The following MRAP variants were observed in gnomAD, a reference collection of about 807,000 sequenced individuals.
MRAP encodes the protein melanocortin 2 receptor accessory protein, also known as melanocortin-2 receptor accessory protein.
Under a neutral mutation model 8.7 loss-of-function variants are expected in MRAP, and 8 were observed. The observed-to-expected ratio is 0.92, with a 90% confidence interval of 0.54 to 1.66. MRAP has a LOEUF of 1.66. Among genes scored for constraint, MRAP ranks in the 40% most tolerant of loss-of-function variants. MRAP has a pLI of 0.00. For synonymous variants in MRAP, 95 were observed against 95.5 expected (o/e 1.00, Z 0.03); for missense variants, 237 against 217.1 (o/e 1.09, Z -0.58).
chr21:32,306,068 G>C (rs1254457974), intron 1 of MRAP, among the ~76,000 whole-genome samples: 1 of 152,090 alleles, frequency 6.6e-6, no homozygotes, highest in African/African-American at 2.4e-5. Context: ...AGAGGGACTC[G>C]CTATTTCCAC....
chr21:32,295,977 A>AAAAAC (rs201808516), upstream of MRAP, among the ~76,000 whole-genome samples: 8 of 152,130 alleles, frequency 5.3e-5, no homozygotes, highest in Admixed American at 3.3e-4. Context: ...CTCCATCTCA[A>AAAAAC]AAAACAAAAC....
chr21:32,299,039 T>C lies in MRAP; in HGVS notation c.68T>C (p.Leu23Pro), dbSNP rs1277270972. 1.2e-6 allele frequency: 2 copies of C among 1,614,132 alleles called. No individual in the cohort carries two copies. Among genetic ancestry groups the C allele is most frequent in the Middle Eastern group, 1.7e-4 (1 of 6,060 alleles). Residue 23 changes from leucine (L) to proline (P), a missense_variant, in exon 1 of 3, where the codon CTC (leucine) becomes CCC (proline). Transcript: ENST00000303645. ...SYEYYLDYLDLIPVDEKKLKA... is the reference protein window; with the variant it reads ...SYEYYLDYLDPIPVDEKKLKA... ...GAATACTACCTGGACTATCTGGACCTCATTCCCGTGGACGAGAAGAAGCTG... is the reference window on the plus strand; with the variant it reads ...GAATACTACCTGGACTATCTGGACCCCATTCCCGTGGACGAGAAGAAGCTG...
At chr21:32,302,322 G>T (rs2032313601) in intron 1 of MRAP, among the ~76,000 whole-genome samples, 1 of 152,224 alleles carries the variant, frequency 6.6e-6, no homozygotes, top group African/African-American at 2.4e-5. Flanking sequence ...GTGTCTATGT[G>T]TGAGTCCTTG....
chr21:32,307,744 C>T (rs1039989119), intron 2 of MRAP, among the ~76,000 whole-genome samples: 4 of 151,802 alleles, frequency 2.6e-5, no homozygotes, highest in East Asian at 1.9e-4. Context: ...CATGGTAGTG[C>T]GCACCTGTAG....
Position 32,311,666 on chromosome 21 carries a change from A to T in MRAP, c.207-18A>T, listed in dbSNP as rs767850686. On this transcript the variant is annotated intron_variant, in intron 2 of 2. Transcript: ENST00000303645. ...GCAGCAACTATGATGCCTGCCTCCC[A>T]CTCTGCTCTGTTCACAGGAACAGCC... is the stretch of plus-strand genomic sequence containing the variant. The T allele has an allele frequency of 1.2e-6, 2 of 1,612,848 alleles. No homozygotes were observed. The highest frequency in any genetic ancestry group is 1.7e-6 in the Non-Finnish European group (2 of 1,179,558).
At chr21:32,295,489 G>A (rs925890897), upstream of MRAP, among the ~76,000 whole-genome samples, 5 of 152,130 alleles carry the variant, frequency 3.3e-5, no homozygotes, top group East Asian at 7.7e-4. Flanking sequence ...TCTTGGCGCC[G>A]CCTGTGACCA....
At chr21:32,296,547 CAG>C (rs1011418757), upstream of MRAP, among the ~76,000 whole-genome samples, 19 of 152,258 alleles carry the variant, frequency 1.2e-4, no homozygotes, top group African/African-American at 4.1e-4. Context: ...GTGTGAACAT[CAG>C]AGAGTCTACT....
At chr21:32,306,827 C>A in intron 2 of MRAP, 88 bp downstream of exon 2, 2 of 1,028,964 alleles carry the variant, frequency 1.9e-6, no homozygotes, top group Non-Finnish European at 3.0e-6. Flanking sequence ...ATCCAAAATG[C>A]TGGAGACCAG....
chr21:32,300,320 T>G (rs1201960938), intron 1 of MRAP, among the ~76,000 whole-genome samples: 1 of 152,216 alleles, frequency 6.6e-6, no homozygotes, highest in African/African-American at 2.4e-5. Context: ...GCGTCATGTG[T>G]CATGCATCCT....
intron 1 of MRAP, among the ~76,000 whole-genome samples, chr21:32,300,996 T>C (rs887441189): frequency 7.0e-6 from 1 of 142,068 alleles, no homozygotes; most frequent in South Asian, 2.1e-4. Context: ...TATCATGATA[T>C]ATGATATGAT....
chr21:32,309,449 A>T (rs1325728133), intron 2 of MRAP, among the ~76,000 whole-genome samples: 1 of 143,902 alleles, frequency 6.9e-6, no homozygotes, highest in African/African-American at 2.5e-5. Context: ...GAAGAAATTC[A>T]TTTTTTTTTT....
intron 2 of MRAP, among the ~76,000 whole-genome samples, chr21:32,310,206 C>T (rs2032524618): frequency 6.6e-6 from 1 of 152,194 alleles, no homozygotes; most frequent in Non-Finnish European, 1.5e-5. Flanking sequence ...TACATCCTGA[C>T]CAGCTACATG....
chr21:32,298,729 G>A (rs2032187762), upstream of MRAP: 4 of 472,792 alleles, frequency 8.5e-6, no homozygotes, highest in Admixed American at 1.3e-4. Context: ...TGTGTGCTTT[G>A]GAGTTTTATC....
At chr21:32,306,160 C>T (rs773748746) in intron 1 of MRAP, among the ~76,000 whole-genome samples, 1 of 152,156 alleles carries the variant, frequency 6.6e-6, no homozygotes, top group African/African-American at 2.4e-5. Flanking sequence ...TGTAGCCCAG[C>T]GCACATCCTC....
chr21:32,308,936 A>G (rs2032483636), intron 2 of MRAP, among the ~76,000 whole-genome samples: 1 of 152,178 alleles, frequency 6.6e-6, no homozygotes, highest in South Asian at 2.1e-4. Flanking sequence ...GTGCTGAGGA[A>G]GAGCTGAGTG....
chr21:32,297,598 T>C (rs968419933), upstream of MRAP, among the ~76,000 whole-genome samples: 1 of 152,142 alleles, frequency 6.6e-6, no homozygotes, highest in African/African-American at 2.4e-5. Flanking sequence ...GTAAGTGAAC[T>C]GTTTGACCTG....
intron 2 of MRAP, among the ~76,000 whole-genome samples, chr21:32,293,328 A>G (rs2032083903): frequency 7.2e-6 from 1 of 138,390 alleles, no homozygotes; most frequent in Middle Eastern, 3.5e-3. Flanking sequence ...CAGAACTGTA[A>G]GGCAAAAAAA....
chr21:32,298,255 C>T (rs1003827411), upstream of MRAP, among the ~76,000 whole-genome samples: 23 of 152,082 alleles, frequency 1.5e-4, no homozygotes, highest in Admixed American at 1.0e-3. Context: ...AGAGCTTGGA[C>T]CACATGGGGT....
At chr21:32,303,668 A>C (rs1360110963) in intron 1 of MRAP, among the ~76,000 whole-genome samples, 4 of 152,234 alleles carry the variant, frequency 2.6e-5, no homozygotes, top group Non-Finnish European at 5.9e-5. Context: ...GACCACTTTC[A>C]TTGTCAACCC....
Sources: allele counts gnomAD v4.1 joint callset (sites outside exome capture counted in the v4.1 genomes callset), GRCh38; gene constraint gnomAD v4.1.1; transcripts MANE v1.5; gene names NCBI Gene and HGNC (gene_info 2026-07-23, HGNC 2026-07-21).